Variants in SMAD1 observed in about 807,000 individuals in gnomAD.
The protein encoded by SMAD1 is SMAD family member 1.
A neutral mutation model predicts 41.6 loss-of-function variants in SMAD1; 6 were observed. That is an observed-to-expected ratio of 0.14 (90% CI 0.08 to 0.28). The LOEUF is 0.28. SMAD1 is among the 10% of genes least tolerant of loss of function. The pLI is 1.00. For synonymous variants in SMAD1, 206 were observed against 203.2 expected, an observed-to-expected ratio of 1.01 and a Z score of -0.12; for missense variants, 379 against 582.6, an observed-to-expected ratio of 0.65 and a Z score of 3.60.
intron 2 of SMAD1, among the ~76,000 whole-genome samples, chr4:145,532,983 T>C (rs1460448120): frequency 6.6e-6 from 1 of 152,246 alleles, no homozygotes; most frequent in East Asian, 1.9e-4. Context: ...CATATTTTAA[T>C]TATTCTTTAC....
At chr4:145,550,395 C>T (rs753211436) in intron 5 of SMAD1, among the ~76,000 whole-genome samples, 3 of 152,082 alleles carry the variant, frequency 2.0e-5, no homozygotes, top group Non-Finnish European at 4.4e-5. Flanking sequence ...CGCCTGTAAT[C>T]CCAGCTACTC....
At chr4:145,549,253 A>G (rs1578827613) in intron 5 of SMAD1, among the ~76,000 whole-genome samples, 2 of 152,174 alleles carry the variant, frequency 1.3e-5, no homozygotes, top group African/African-American at 4.8e-5. Flanking sequence ...AGCAGGCAAA[A>G]CTGGAATATG....
rs377610507 is a variant in SMAD1, at chr4:145,515,134, CTGTGTGTGTGTG to C, written c.400+153_400+164del. 1.9e-3 allele frequency: 1,011 copies of C among 535,700 alleles called. 8 individuals carry two copies. The highest frequency in any genetic ancestry group is 0.018 in the African/African-American group (862 of 46,952). 33.2% of individuals were successfully genotyped at this position (535,700 alleles called of 1,614,324 possible). A position where few individuals can be genotyped will look rare whatever the true frequency, so the allele number is the denominator to read the frequency against. On this transcript the variant is annotated intron_variant, in intron 2 of 6. Transcript: ENST00000302085. The stretch of plus-strand genomic sequence containing the variant: ...TGTAATTTAAAAATATTTGGGGAAA[CTGTGTGTGTGTG>C]TGTGTGTGTGTGTGTGTGTGTGTGT...
At chr4:145,512,577 A>G (rs1730142829) in intron 1 of SMAD1, among the ~76,000 whole-genome samples, 1 of 152,086 alleles carries the variant, frequency 6.6e-6, no homozygotes, top group Non-Finnish European at 1.5e-5. Context: ...TTTTTATTTC[A>G]TTCTTCTTTA....
intron 1 of SMAD1, among the ~76,000 whole-genome samples, chr4:145,492,997 G>C (rs972841529): frequency 1.3e-5 from 2 of 152,196 alleles, no homozygotes; most frequent in Admixed American, 1.3e-4. Flanking sequence ...GAATTTGTCT[G>C]CGTCTTCTGT....
intron 1 of SMAD1, among the ~76,000 whole-genome samples, chr4:145,488,876 G>A (rs1026527061): frequency 8.5e-5 from 13 of 152,182 alleles, no homozygotes; most frequent in African/African-American, 2.9e-4. Flanking sequence ...GCCGTTACAA[G>A]GTAGTATAGG....
At chr4:145,547,912 G>T (rs1732337206) in intron 5 of SMAD1, among the ~76,000 whole-genome samples, 3 of 152,140 alleles carry the variant, frequency 2.0e-5, no homozygotes, top group Admixed American at 2.0e-4. Flanking sequence ...TGCTGAAAGG[G>T]CCCAGAAGCA....
At chr4:145,554,122 T>C in intron 6 of SMAD1, 82 bp downstream of exon 6, 2 of 1,194,926 alleles carry the variant, frequency 1.7e-6, no homozygotes, top group Middle Eastern at 2.0e-4. Context: ...GATATATGAA[T>C]CTATATCCTC....
chr4:145,484,479 A>G (rs759978861), intron 1 of SMAD1: 1 of 152,212 alleles, frequency 6.6e-6, no homozygotes, highest in African/African-American at 2.4e-5. Flanking sequence ...TAATTAAACC[A>G]TATTACAGGG....
At chr4:145,532,045 A>G (rs996001438) in intron 2 of SMAD1, among the ~76,000 whole-genome samples, 3 of 152,220 alleles carry the variant, frequency 2.0e-5, no homozygotes, top group African/African-American at 7.2e-5. Flanking sequence ...TCTCACATCT[A>G]GAGTTTACAG....
intron 2 of SMAD1, among the ~76,000 whole-genome samples, chr4:145,523,962 C>T (rs1269850269): frequency 6.6e-6 from 1 of 152,104 alleles, no homozygotes; most frequent in Non-Finnish European, 1.5e-5. Context: ...TGCAGTGGCG[C>T]AGTCATAGCT....
In SMAD1 at chr4:145,514,914, C is replaced by G; in HGVS notation, c.301C>G (p.His101Asp). 1 of 1,613,910 alleles carries G rather than the reference C, an allele frequency of 6.2e-7. No homozygotes were observed. Residue 101 changes from histidine to aspartate, a missense_variant, in exon 2 of 7, where the codon CAT becomes GAT. Physicochemically the swap from His to Asp is moderately conservative, Grantham distance 81. Transcript: ENST00000302085. The surrounding 1 kb of genome is among the most constrained non-coding windows in gnomAD (Gnocchi z 4.7). ...GCGCTGGCCCGATCTTCAGAGCCAC[C>G]ATGAACTAAAACCACTGGAATGCTG... ...VWRWPDLQSH[H>D]ELKPLECCEF... is the part of the protein sequence containing the mutation.
chr4:145,555,760 A>C lies in SMAD1; in HGVS notation c.1254+1720A>C, dbSNP rs543025513. On this transcript the variant is annotated intron_variant, in intron 6 of 6. Transcript: ENST00000302085. ...TCATTCATTCAGCAGATATTTTAGC[A>C]CTATTTCAGAGAAGTAATACAAAGA... is the stretch of plus-strand genomic sequence containing the variant. Among the ~76,000 whole-genome samples the C allele has an allele frequency of 3.8e-3, 575 of 152,270 alleles. 1 individual carries two copies. The highest frequency in any genetic ancestry group is 0.013 in the African/African-American group (546 of 41,558).
At chr4:145,481,327 T>A (rs1728161019), upstream of SMAD1, 1 of 152,104 alleles carries the variant, frequency 6.6e-6, no homozygotes, top group Non-Finnish European at 1.5e-5. Context: ...ACGTACAACT[T>A]CTGGGGCCTG....
chr4:145,553,771 T>C lies in SMAD1; in HGVS notation c.998-13T>C. 1 of 1,610,080 alleles carries C rather than the reference T, an allele frequency of 6.2e-7. No homozygotes were observed. Among genetic ancestry groups the C allele is most frequent in the Non-Finnish European group, 8.5e-7 (1 of 1,176,540 alleles). On this transcript the variant is annotated splice_polypyrimidine_tract_variant and intron_variant, in intron 5 of 6. Coordinates refer to ENST00000302085, the MANE Select transcript of SMAD1 (RefSeq NM_005900.3). ...TTAATAATAACTAAATGGTATGCTTTGTCTTCCTATAGGAGTTCATCTTTA... is the reference window on the plus strand; with the variant it reads ...TTAATAATAACTAAATGGTATGCTTCGTCTTCCTATAGGAGTTCATCTTTA...
At chr4:145,487,191 C>T (rs1267515216) in intron 1 of SMAD1, among the ~76,000 whole-genome samples, 1 of 152,118 alleles carries the variant, frequency 6.6e-6, no homozygotes, top group African/African-American at 2.4e-5. Flanking sequence ...CAAATTAAAG[C>T]AGGCAACTCT....
At chr4:145,499,033 A>G (rs1044026192) in intron 1 of SMAD1, among the ~76,000 whole-genome samples, 2 of 152,100 alleles carry the variant, frequency 1.3e-5, no homozygotes, top group Non-Finnish European at 2.9e-5. Context: ...ACCATCCTCT[A>G]TAAAAAACAC....
At chr4:145,554,062 C>T (rs746811718) in intron 6 of SMAD1, 22 bp downstream of exon 6, 2 of 1,586,180 alleles carry the variant, frequency 1.3e-6, no homozygotes, top group Non-Finnish European at 1.7e-6. Flanking sequence ...CCGACTCCTC[C>T]ATTTAGGGCC....
chr4:145,538,132 G>T (rs1731719939), intron 2 of SMAD1, among the ~76,000 whole-genome samples: 1 of 152,130 alleles, frequency 6.6e-6, no homozygotes, highest in African/African-American at 2.4e-5. Context: ...TTGGGAAATG[G>T]TAATTCAAGT....
Sources: allele counts gnomAD v4.1 joint callset (sites outside exome capture counted in the v4.1 genomes callset), GRCh38; gene constraint gnomAD v4.1.1; non-coding constraint Gnocchi (gnomAD v3.1); transcripts MANE v1.5; gene names NCBI Gene and HGNC (gene_info 2026-07-23, HGNC 2026-07-21).